Variants in PDXDC1 observed in about 807,000 individuals in gnomAD.
PDXDC1 encodes pyridoxal dependent decarboxylase domain containing 1.
In PDXDC1, 42 loss-of-function variants were observed where a neutral mutation model predicts 100.1. The ratio of observed to expected loss-of-function variants is 0.42; its 90% CI spans 0.33 to 0.54. The LOEUF (loss-of-function observed/expected upper bound fraction) is 0.54. Ranked by LOEUF, PDXDC1 falls within the 20% of genes least tolerant of loss-of-function variation. The pLI is 0.10. For synonymous variants in PDXDC1, 260 were observed against 371.7 expected (o/e 0.70, Z 3.46); for missense variants, 636 against 979.2 (o/e 0.65, Z 4.68).
chr16:15,090,129 G>C (rs1322448830), intron 16 of PDXDC1, among the ~76,000 whole-genome samples: 1 of 151,976 alleles, frequency 6.6e-6, no homozygotes, highest in Non-Finnish European at 1.5e-5. Context: ...AGAATTGCTT[G>C]AACCCAGGAG....
chr16:15,133,696 A>T lies in PDXDC1; in HGVS notation c.1400-5183A>T. 1.9e-6 allele frequency: 3 copies of T among 1,601,184 alleles called. No individual in the cohort carries two copies. In the South Asian group the frequency reaches 3.3e-5, roughly 18 times the overall value. On this transcript the variant is annotated intron_variant, in intron 16 of 16. Coordinates refer to the PDXDC1 transcript ENST00000535621. ...GCGGGGCGCCAGCATCCTCCGCGTC[A>T]TGCCAGCCTGAGGGACGGTCCCCAT... is the stretch of plus-strand genomic sequence containing the variant.
At chr16:15,129,632 C>T (rs549707156) in intron 16 of PDXDC1, among the ~76,000 whole-genome samples, 2 of 152,352 alleles carry the variant, frequency 1.3e-5, no homozygotes, top group African/African-American at 4.8e-5. Context: ...CTTGTGGGGC[C>T]ACGCTACTGT....
intron 16 of PDXDC1, chr16:15,063,326 G>C (rs4012844): frequency 2.9e-5 from 42 of 1,445,676 alleles, no homozygotes; most frequent in South Asian, 3.4e-5. Context: ...TAAATACTTC[G>C]GCAGAAGTCA....
chr16:15,032,668 A>AAAAAAAAAAAAAAAAAC, intron 17 of PDXDC1, 193 bp from the exon 18 acceptor site: 1 of 374,104 alleles, frequency 2.7e-6, no homozygotes, highest in Non-Finnish European at 4.6e-6. Flanking sequence ...AAAAAAAAAA[A>AAAAAAAAAAAAAAAAAC]AGGCTTTCCT....
chr16:15,078,168 T>C (rs2045546188), intron 16 of PDXDC1, among the ~76,000 whole-genome samples: 1 of 152,204 alleles, frequency 6.6e-6, no homozygotes, highest in South Asian at 2.1e-4. Context: ...AGAGTACATA[T>C]ACAGTTGGCC....
At chr16:15,089,659 C>T (rs868208711) in intron 16 of PDXDC1, among the ~76,000 whole-genome samples, 27 of 150,614 alleles carry the variant, frequency 1.8e-4, no homozygotes, top group African/African-American at 6.4e-4. Flanking sequence ...AATTAGCTGG[C>T]GGTGGTGGCG....
intron 16 of PDXDC1, among the ~76,000 whole-genome samples, chr16:15,069,110 A>G (rs2045109993): frequency 6.6e-6 from 1 of 152,216 alleles, no homozygotes; most frequent in Non-Finnish European, 1.5e-5. Context: ...AAACATATAT[A>G]ATGCAACACA....
intron 16 of PDXDC1, among the ~76,000 whole-genome samples, chr16:15,093,166 G>A (rs1267776948): frequency 6.6e-6 from 1 of 152,042 alleles, no homozygotes; most frequent in Non-Finnish European, 1.5e-5. Flanking sequence ...CACCATGCCC[G>A]GCTGATTTTT....
Position 15,037,793 on chromosome 16 carries a change from C to G in PDXDC1, c.*1518C>G, listed in dbSNP as rs189747270. On this transcript the variant is annotated 3_prime_UTR_variant, in exon 23 of 23. Coordinates refer to ENST00000396410, the MANE Select transcript of PDXDC1 (RefSeq NM_015027.4). ...TAGGTTCTCCTCTGCCCGTTATTAC[C>G]GACCAAAAAAAAAACTGGACATCAA... 1.5e-4 allele frequency: 61 copies of G among 408,220 alleles called. No homozygotes were observed. Among genetic ancestry groups the G allele is most frequent in the Non-Finnish European group, 6.4e-5 (15 of 234,166 alleles). The allele number at this position is 408,220 out of a possible 1,614,324, so 25.3% of individuals were successfully genotyped here. A position where few individuals can be genotyped will look rare whatever the true frequency, so the allele number is the denominator to read the frequency against.
chr16:15,147,495 G>A, the PDXDC1 span, among the ~76,000 whole-genome samples: 6 of 152,212 alleles, frequency 3.9e-5, no homozygotes, highest in South Asian at 2.1e-4. Flanking sequence ...AGGGCCCGGC[G>A]TGGCCACCGC....
the PDXDC1 span, among the ~76,000 whole-genome samples, chr16:15,148,622 G>A: frequency 3.3e-5 from 5 of 151,336 alleles, no homozygotes; most frequent in African/African-American, 4.9e-5. Context: ...GGGCTCAAGC[G>A]ATCCACCCAC....
At chr16:15,002,305 T>C (rs866454503) in intron 4 of PDXDC1, among the ~76,000 whole-genome samples, 2 of 152,292 alleles carry the variant, frequency 1.3e-5, no homozygotes, top group Admixed American at 1.3e-4. Flanking sequence ...CCTACCTCTA[T>C]CTCCCTACCA....
intron 16 of PDXDC1, among the ~76,000 whole-genome samples, chr16:15,132,071 G>A (rs1471362694): frequency 5.2e-4 from 1 of 1,928 alleles, no homozygotes; most frequent in Non-Finnish European, 1.4e-3. Context: ...GAGGGGAATG[G>A]ACAAAAGGAC....
intron 21 of PDXDC1, 72 bp downstream of exon 21, chr16:15,034,625 C>G: frequency 9.4e-7 from 1 of 1,066,712 alleles, no homozygotes; most frequent in Non-Finnish European, 1.5e-6. Context: ...TGGGTCCCAA[C>G]ACTTCCCACT....
chr16:15,133,306 G>A lies in PDXDC1; in HGVS notation c.1400-5573G>A, dbSNP rs1213629911. 84 of 1,569,666 alleles carry A rather than the reference G, an allele frequency of 5.4e-5. No homozygotes were observed. The South Asian group carries it at 6.1e-4, about 11-fold the overall frequency. The stretch of plus-strand genomic sequence containing the variant: ...CCAGGGCCAGCGAGTACTCGATGAC[G>A]TGCTGGGGATCGGCCTGCCGCAGCA... On this transcript the variant is annotated intron_variant, in intron 16 of 16. Transcript: ENST00000535621.
At chr16:15,023,515 C>T (rs568858430) in intron 13 of PDXDC1, among the ~76,000 whole-genome samples, 43 of 152,370 alleles carry the variant, frequency 2.8e-4, no homozygotes, top group African/African-American at 8.2e-4. Context: ...AAAAAGTAGC[C>T]GCGCATGGTG....
intron 16 of PDXDC1, chr16:15,065,375 T>C: frequency 6.2e-7 from 1 of 1,611,542 alleles, no homozygotes; most frequent in Non-Finnish European, 8.5e-7. Flanking sequence ...GTACTTACTG[T>C]GGAACAAAAA....
rs1413318214 is a variant in PDXDC1, at chr16:15,052,658, G to A, written c.1399+22602G>A. 3.9e-5 allele frequency among the ~76,000 whole-genome samples: 6 copies of A among 152,112 alleles called. No homozygotes were observed. The East Asian group carries it at 9.7e-4, about 25-fold the overall frequency. ...AGACCAGCCTGGCCAACATGTTGAA[G>A]CCCCATCTCTACTAAAAATACAAAA... On this transcript the variant is annotated intron_variant, in intron 16 of 16. Coordinates refer to the PDXDC1 transcript ENST00000535621.
At chr16:15,050,348 C>T (rs2044246601) in intron 16 of PDXDC1, among the ~76,000 whole-genome samples, 1 of 152,184 alleles carries the variant, frequency 6.6e-6, no homozygotes, top group Admixed American at 6.5e-5. Context: ...GTATTGCCTA[C>T]ACAGGAAGAC....
Sources: allele counts gnomAD v4.1 joint callset (sites outside exome capture counted in the v4.1 genomes callset), GRCh38; gene constraint gnomAD v4.1.1; transcripts MANE v1.5; gene names NCBI Gene and HGNC (gene_info 2026-07-23, HGNC 2026-07-21).